ABCA13: variants seen among roughly 807,000 people sequenced by gnomAD.
ABCA13 encodes the protein ATP binding cassette subfamily A member 13.
Under a neutral mutation model 478.7 loss-of-function variants are expected in ABCA13, and 476 were observed. The observed-to-expected ratio is 0.99, with a 90% CI of 0.92 to 1.07. The LOEUF (loss-of-function observed/expected upper bound fraction) is 1.07. ABCA13 is among the 50% of genes least tolerant of loss of function. The pLI is 0.00. For synonymous variants in ABCA13, 2,252 were observed against 2,158.9 expected (o/e 1.04, Z -1.20); for missense variants, 6,060 against 5,910.6 (o/e 1.03, Z -0.83).
At chr7:48,317,411 T>A (rs1391960459) in intron 27 of ABCA13, 115 bp downstream of exon 27, 2 of 1,167,868 alleles carry the variant, frequency 1.7e-6, no homozygotes, top group Non-Finnish European at 2.3e-6. Context: ...AAGGCTCTTG[T>A]TTTGAATCTA....
chr7:48,171,610 G>T (rs1583930201), intron 1 of ABCA13, 58 bp downstream of exon 1: 1 of 1,521,692 alleles, frequency 6.6e-7, no homozygotes, highest in East Asian at 2.4e-5. Context: ...CAAGATCAGG[G>T]TCTATTCTTT....
At chr7:48,176,443 G>A (rs941579626) in intron 1 of ABCA13, among the ~76,000 whole-genome samples, 4 of 152,122 alleles carry the variant, frequency 2.6e-5, no homozygotes, top group Non-Finnish European at 5.9e-5. Context: ...TCTGCCCATG[G>A]AAACCACATC....
chr7:48,603,371 A>G (rs1170323576), intron 58 of ABCA13, among the ~76,000 whole-genome samples: 1 of 152,154 alleles, frequency 6.6e-6, no homozygotes, highest in Non-Finnish European at 1.5e-5. Context: ...TGGGTTTTTC[A>G]TAAATAATCT....
At chr7:48,525,352 T>C (rs1373323503) in intron 54 of ABCA13, among the ~76,000 whole-genome samples, 1 of 152,262 alleles carries the variant, frequency 6.6e-6, no homozygotes, top group East Asian at 1.9e-4. Context: ...AAATCATGAT[T>C]ATTATAGTTT....
intron 39 of ABCA13, among the ~76,000 whole-genome samples, chr7:48,406,915 A>C (rs939771058): frequency 6.6e-6 from 1 of 151,812 alleles, no homozygotes; most frequent in African/African-American, 2.4e-5. Flanking sequence ...ATATATGTAT[A>C]TATATATATT....
At chr7:48,634,501 T>G (rs1269257146) in intron 59 of ABCA13, among the ~76,000 whole-genome samples, 1 of 152,224 alleles carries the variant, frequency 6.6e-6, no homozygotes, top group Admixed American at 6.5e-5. Context: ...TCTTTTTTTC[T>G]TGGTCAATTA....
intron 32 of ABCA13, among the ~76,000 whole-genome samples, chr7:48,369,867 C>A (rs1224799243): frequency 1.3e-5 from 2 of 151,892 alleles, no homozygotes; most frequent in African/African-American, 4.8e-5. Context: ...CTTGCTTTGA[C>A]TGTGTGGGTT....
chr7:48,438,168 C>T (rs999297689), intron 42 of ABCA13, among the ~76,000 whole-genome samples: 11 of 152,066 alleles, frequency 7.2e-5, no homozygotes, highest in African/African-American at 1.7e-4. Context: ...ATTTTGAAAA[C>T]GATTTGCACT....
intron 7 of ABCA13, among the ~76,000 whole-genome samples, chr7:48,231,773 T>C (rs1460396549): frequency 6.6e-6 from 1 of 152,152 alleles, no homozygotes; most frequent in African/African-American, 2.4e-5. Flanking sequence ...GCAATTCTCC[T>C]GCCTCAGCCA....
intron 20 of ABCA13, among the ~76,000 whole-genome samples, chr7:48,288,694 C>CT (rs2128805898): frequency 6.6e-6 from 1 of 152,230 alleles, no homozygotes; most frequent in South Asian, 2.1e-4. Context: ...AACACTGGCT[C>CT]TAACTCATTG....
At chr7:48,289,563 G>C (rs1798226113) in intron 20 of ABCA13, among the ~76,000 whole-genome samples, 1 of 152,018 alleles carries the variant, frequency 6.6e-6, no homozygotes, top group South Asian at 2.1e-4. Flanking sequence ...GTTTCACTAT[G>C]TTGGCCAGGC....
intron 44 of ABCA13, among the ~76,000 whole-genome samples, chr7:48,470,730 C>T (rs1438923313): frequency 1.3e-5 from 2 of 152,220 alleles, no homozygotes; most frequent in African/African-American, 2.4e-5. Flanking sequence ...CTCATTGGAG[C>T]AGCACACACT....
rs374550959 is a variant in ABCA13, at chr7:48,240,950, G to T, written c.1146G>T (p.Gln382His). The change falls in exon 10 of 62, where the codon CAG becomes CAT. Residue 382 changes from glutamine (Q) to histidine (H), a missense_variant. This residue lies in a region of ABCA13 where 4,423 missense variants were observed against 4,309.1 expected (regional missense o/e 1.03). Transcript: ENST00000435803. ...ATAGTCTGGAGGCTCTCAGGAATCAGTTTGAAGAAGAGAGCAAGCCCTGGA... is the reference window on the plus strand; with the variant it reads ...ATAGTCTGGAGGCTCTCAGGAATCATTTTGAAGAAGAGAGCAAGCCCTGGA... ...MGHSLEALRN[Q>H]FEEESKPWKV... The T allele has an allele frequency of 1.2e-5, 19 of 1,613,578 alleles. No homozygotes were observed. In the African/African-American group the frequency reaches 1.7e-4, roughly 15 times the overall value.
At chr7:48,352,147 T>C in intron 30 of ABCA13, 34 bp from the exon 31 acceptor site, 13 of 1,576,040 alleles carry the variant, frequency 8.2e-6, no homozygotes, top group East Asian at 2.2e-5. Flanking sequence ...CCCTACAGTG[T>C]GGTAATGCTT....
At chr7:48,394,275 G>T (rs570056118) in intron 38 of ABCA13, among the ~76,000 whole-genome samples, 1 of 152,246 alleles carries the variant, frequency 6.6e-6, no homozygotes, top group South Asian at 2.1e-4. Flanking sequence ...AATTTATAAA[G>T]CCCTGCCAGC....
chr7:48,209,903 G>A lies in ABCA13; in HGVS notation c.288-9451G>A, dbSNP rs528219084. On this transcript the variant is annotated intron_variant, in intron 3 of 61. Coordinates refer to ENST00000435803, the MANE Select transcript of ABCA13 (RefSeq NM_152701.5). ...TTTTCCTATGTCAGTATTGCTAAAG[G>A]TTTATCAATTTTGTGTATCTATTAA... 3.3e-5 allele frequency among the ~76,000 whole-genome samples: 5 copies of A among 151,952 alleles called. No individual in the cohort carries two copies. The Middle Eastern group carries it at 0.01, about 310-fold the overall frequency.
intron 43 of ABCA13, among the ~76,000 whole-genome samples, chr7:48,455,995 TCAGGGAGGCCCGGCC>T (rs1825631595): frequency 6.6e-6 from 1 of 151,926 alleles, no homozygotes; most frequent in East Asian, 2.0e-4. Flanking sequence ...CTGTGCAGAG[TCAGGGAGGCCCGGCC>T]CTTGCCGGGC....
intron 38 of ABCA13, among the ~76,000 whole-genome samples, chr7:48,400,463 T>C (rs142838586): frequency 3.6e-3 from 551 of 152,368 alleles, no homozygotes; most frequent in African/African-American, 0.012. Context: ...AGGATTATCC[T>C]GTCCTTTTGA....
chr7:48,243,840 C>T (rs11973628), intron 10 of ABCA13, among the ~76,000 whole-genome samples: 31,991 of 152,178 alleles, frequency 0.21, 4,629 homozygotes, highest in African/African-American at 0.42. Flanking sequence ...TTTTCTCCTT[C>T]TGTAGCTTGC....
Sources: allele counts gnomAD v4.1 joint callset (sites outside exome capture counted in the v4.1 genomes callset), GRCh38; gene constraint gnomAD v4.1.1; regional missense constraint gnomAD v4.1.1; transcripts MANE v1.5; gene names NCBI Gene and HGNC (gene_info 2026-07-23, HGNC 2026-07-21).